PDE1A: variants seen among roughly 807,000 people sequenced by gnomAD.
PDE1A encodes the protein phosphodiesterase 1A.
A neutral mutation model predicts 61.7 loss-of-function variants in PDE1A; 35 were observed. The ratio of observed to expected loss-of-function variants is 0.57; its 90% CI spans 0.43 to 0.75. The LOEUF is 0.75. Ranked by LOEUF, PDE1A falls within the 30% of genes least tolerant of loss-of-function variation. The probability of loss-of-function intolerance (pLI) is 0.00; values close to 1 mark genes in which losing one functional copy is unlikely to be tolerated. For synonymous variants in PDE1A, 232 were observed against 213.2 expected (o/e 1.09, Z -0.77); for missense variants, 597 against 630.6 (o/e 0.95, Z 0.57).
intron 2 of PDE1A, among the ~76,000 whole-genome samples, chr2:182,447,865 T>C (rs897087049): frequency 6.6e-6 from 1 of 152,108 alleles, no homozygotes; most frequent in Non-Finnish European, 1.5e-5. Context: ...CTAAACTGTT[T>C]AAACAGGCTT....
the PDE1A span, among the ~76,000 whole-genome samples, chr2:182,567,194 C>G: frequency 1.0e-2 from 1,517 of 152,176 alleles, 13 homozygotes; most frequent in Middle Eastern, 0.034. Context: ...GAGAACATTA[C>G]CAAGAATTAG....
intron 1 of PDE1A, among the ~76,000 whole-genome samples, chr2:182,369,870 A>T (rs1700031670): frequency 6.6e-6 from 1 of 152,174 alleles, no homozygotes; most frequent in Non-Finnish European, 1.5e-5. Context: ...AGTGTAAAAG[A>T]AGCCTTAGAA....
At chr2:182,506,307 C>G (rs1689409895) in intron 2 of PDE1A, among the ~76,000 whole-genome samples, 1 of 152,202 alleles carries the variant, frequency 6.6e-6, no homozygotes, top group East Asian at 1.9e-4. Context: ...TACCGTTTGT[C>G]TTTACAACTT....
the PDE1A span, among the ~76,000 whole-genome samples, chr2:182,556,501 A>G: frequency 3.7e-4 from 56 of 152,346 alleles, 1 homozygote; most frequent in African/African-American, 1.3e-3. Context: ...AAGACAGTGT[A>G]ATAATGATGC....
chr2:182,472,606 C>A (rs1687098380), intron 2 of PDE1A, among the ~76,000 whole-genome samples: 1 of 151,750 alleles, frequency 6.6e-6, no homozygotes, highest in South Asian at 2.1e-4. Flanking sequence ...TTGGTGGGTA[C>A]AAAGTGCATT....
At chr2:182,324,123 C>T (rs183929295) in intron 1 of PDE1A, among the ~76,000 whole-genome samples, 24 of 152,124 alleles carry the variant, frequency 1.6e-4, no homozygotes, top group African/African-American at 5.8e-4. Context: ...TCATTACAAG[C>T]TTATATGCTT....
At chr2:182,653,842 A>T in the PDE1A span, among the ~76,000 whole-genome samples, 2 of 152,070 alleles carry the variant, frequency 1.3e-5, no homozygotes, top group Non-Finnish European at 2.9e-5. Flanking sequence ...CTGAAACTTT[A>T]TAGGGTCCTT....
chr2:182,620,805 AT>A, the PDE1A span, among the ~76,000 whole-genome samples: 1 of 152,152 alleles, frequency 6.6e-6, no homozygotes, highest in Non-Finnish European at 1.5e-5. Flanking sequence ...ATCTTAGCTC[AT>A]TTGAGTTCGC....
the PDE1A span, among the ~76,000 whole-genome samples, chr2:182,618,741 A>C: frequency 6.6e-6 from 1 of 152,214 alleles, no homozygotes; most frequent in Admixed American, 6.5e-5. Flanking sequence ...AGTGACAACA[A>C]GATTCAACTG....
chr2:182,620,829 T>C, the PDE1A span, among the ~76,000 whole-genome samples: 1 of 152,168 alleles, frequency 6.6e-6, no homozygotes, highest in African/African-American at 2.4e-5. Flanking sequence ...CTCCAGTTTT[T>C]CTGGGGCTCT....
intron 1 of PDE1A, among the ~76,000 whole-genome samples, chr2:182,418,024 C>G (rs943102206): frequency 1.3e-5 from 2 of 152,048 alleles, no homozygotes; most frequent in Non-Finnish European, 2.9e-5. Context: ...ATAAATCTAT[C>G]CCATAAAAAA....
intron 13 of PDE1A, among the ~76,000 whole-genome samples, chr2:182,173,448 T>TA (rs1405810419): frequency 2.0e-5 from 3 of 151,942 alleles, no homozygotes; most frequent in African/African-American, 7.2e-5. Flanking sequence ...TTCCACTCTA[T>TA]CAAATGCATA....
At chr2:182,627,259 ATTT>A in the PDE1A span, among the ~76,000 whole-genome samples, 5 of 26,498 alleles carry the variant, frequency 1.9e-4, 2 homozygotes, top group Non-Finnish European at 4.1e-4. Context: ...ATAATATATT[ATTT>A]ATATATAAAT....
the PDE1A span, among the ~76,000 whole-genome samples, chr2:182,559,544 T>C: frequency 6.6e-6 from 1 of 152,106 alleles, no homozygotes; most frequent in East Asian, 1.9e-4. Flanking sequence ...CGTAAATGGA[T>C]AAAATCACTT....
chr2:182,332,205 C>G (rs536594197), intron 1 of PDE1A, among the ~76,000 whole-genome samples: 23 of 152,270 alleles, frequency 1.5e-4, no homozygotes, highest in African/African-American at 5.5e-4. Flanking sequence ...TCCATCAGGT[C>G]TTTTATGTTC....
At chr2:182,253,235 G>T (rs1298674107) in intron 2 of PDE1A, among the ~76,000 whole-genome samples, 2 of 152,198 alleles carry the variant, frequency 1.3e-5, no homozygotes, top group African/African-American at 4.8e-5. Context: ...CTGTAAGAAT[G>T]CTGTCAATGA....
At chr2:182,392,877 C>T (rs750481380) in intron 1 of PDE1A, among the ~76,000 whole-genome samples, 2 of 152,274 alleles carry the variant, frequency 1.3e-5, no homozygotes, top group East Asian at 1.9e-4. Context: ...GGCATCTCTG[C>T]CCCTGTGGCT....
At chr2:182,561,957 C>A in the PDE1A span, among the ~76,000 whole-genome samples, 9 of 152,036 alleles carry the variant, frequency 5.9e-5, no homozygotes, top group African/African-American at 1.9e-4. Context: ...AGATTTTGGG[C>A]TGAGACAATG....
chr2:182,274,869 A>C (rs545267265), intron 1 of PDE1A, among the ~76,000 whole-genome samples: 2 of 152,242 alleles, frequency 1.3e-5, no homozygotes, highest in East Asian at 3.9e-4. Context: ...TCTTTATGAT[A>C]TCTTTGAAGC....
Sources: gnomAD v4.1 joint callset for allele counts (sites outside exome capture counted in the v4.1 genomes callset) on GRCh38, gnomAD v4.1.1 for gene constraint, MANE v1.5 for transcripts, NCBI Gene and HGNC (gene_info 2026-07-23, HGNC 2026-07-21) for gene names.